Variants in SDC2 observed in about 807,000 individuals in gnomAD.
SDC2 encodes the protein syndecan 2.
Under a neutral mutation model 22.2 loss-of-function variants are expected in SDC2, and 13 were observed. The observed-to-expected ratio is 0.59, with a 90% CI of 0.38 to 0.93. The LOEUF (loss-of-function observed/expected upper bound fraction) is 0.93, where lower values mean the gene tolerates loss of function less well. Among genes scored for constraint, SDC2 ranks in the 40% least tolerant of loss-of-function variants. SDC2 has a pLI of 0.00. For missense variants in SDC2, 235 were observed against 246.8 expected (o/e 0.95, Z 0.32); for synonymous variants, 94 against 92.8 (o/e 1.01, Z -0.07).
At chr8:96,520,688 C>T (rs887728267) in intron 1 of SDC2, among the ~76,000 whole-genome samples, 4 of 152,098 alleles carry the variant, frequency 2.6e-5, no homozygotes, top group African/African-American at 7.2e-5. Context: ...TCCAAACAGC[C>T]GGAACAGGCC....
chr8:96,560,229 A>G (rs1814186242), intron 1 of SDC2, among the ~76,000 whole-genome samples: 1 of 152,142 alleles, frequency 6.6e-6, no homozygotes. Context: ...CTAAACTAGT[A>G]TTTTACAAAA....
chr8:96,609,496 A>T lies in SDC2; in HGVS notation c.554A>T (p.Lys185Ile). 1.2e-6 allele frequency: 2 copies of T among 1,612,988 alleles called. No homozygotes were observed. The highest frequency in any genetic ancestry group is 1.7e-6 in the Non-Finnish European group (2 of 1,179,442). ...DEGSYDLGERKPSSAAYQKAP... is the reference protein window; with the variant it reads ...DEGSYDLGERIPSSAAYQKAP... ...GGAAGCTATGACCTTGGAGAACGCA[A>T]ACCATCCAGTGCTGCTTATCAGAAG... is the stretch of plus-strand genomic sequence containing the variant. Residue 185 changes from lysine to isoleucine, a missense_variant, in exon 5 of 5, where the codon AAA becomes ATA. Coordinates refer to ENST00000302190, the MANE Select transcript of SDC2 (RefSeq NM_002998.4).
intron 1 of SDC2, among the ~76,000 whole-genome samples, chr8:96,515,474 G>A (rs1477932410): frequency 2.6e-5 from 4 of 152,124 alleles, no homozygotes; most frequent in Non-Finnish European, 5.9e-5. Context: ...GAAGGATGGA[G>A]GTTGCTCTTG....
At chr8:96,592,181 G>A (rs969122926) in intron 1 of SDC2, among the ~76,000 whole-genome samples, 3 of 152,166 alleles carry the variant, frequency 2.0e-5, no homozygotes, top group African/African-American at 4.8e-5. Flanking sequence ...TTTGCTTTCA[G>A]TTGGCACTGA....
At chr8:96,568,929 A>G (rs141827209) in intron 1 of SDC2, among the ~76,000 whole-genome samples, 359 of 152,332 alleles carry the variant, frequency 2.4e-3, no homozygotes, top group African/African-American at 8.4e-3. Context: ...GTGTCAGGGA[A>G]GGGAAATTAC....
At chr8:96,568,495 G>A (rs1814337069) in intron 1 of SDC2, among the ~76,000 whole-genome samples, 1 of 152,252 alleles carries the variant, frequency 6.6e-6, no homozygotes, top group African/African-American at 2.4e-5. Flanking sequence ...GGTAGTTGGA[G>A]CGATGTATGT....
rs533068238 is a variant in SDC2, at chr8:96,544,182, G to GA, written c.61-49289dup. Among the ~76,000 whole-genome samples the GA allele has an allele frequency of 6.9e-3, 1,041 of 150,818 alleles. 7 individuals are homozygous for GA. Among genetic ancestry groups the GA allele is most frequent in the Non-Finnish European group, 0.01 (704 of 67,666 alleles). ...GTTGTCCTACAGTATTCCTTGTTAGGAAAAAAAAATAACCTCGGTGCCTTT... is the reference window on the plus strand; with the variant it reads ...GTTGTCCTACAGTATTCCTTGTTAGGAAAAAAAAAATAACCTCGGTGCCTTT... On this transcript the variant is annotated intron_variant, in intron 1 of 4. Transcript: ENST00000302190.
chr8:96,554,846 T>A (rs900297710), intron 1 of SDC2, among the ~76,000 whole-genome samples: 1 of 152,196 alleles, frequency 6.6e-6, no homozygotes, highest in African/African-American at 2.4e-5. Context: ...ACCCTGTTGT[T>A]CCCTGACATC....
In SDC2 at chr8:96,611,426, AC is replaced by A. The variant is rs1357509133; in HGVS notation, c.*1879del. On this transcript the variant is annotated 3_prime_UTR_variant, in exon 5 of 5. Transcript: ENST00000302190. ...GGAATTGCCACATAATTCATTAAAA[AC>A]ATTTTTTTAAGCAACACTTGGAACA... 1 of 152,644 alleles carries A rather than the reference AC, an allele frequency of 6.6e-6. No individual in the cohort carries two copies. Among genetic ancestry groups the A allele is most frequent in the Non-Finnish European group, 1.5e-5 (1 of 68,030 alleles). The allele number at this position is 152,644 out of a possible 1,614,324, so 9.5% of individuals were successfully genotyped here.
At chr8:96,588,941 C>T (rs1759585109) in intron 1 of SDC2, among the ~76,000 whole-genome samples, 2 of 152,168 alleles carry the variant, frequency 1.3e-5, no homozygotes, top group South Asian at 4.1e-4. Flanking sequence ...GTTTTACCTA[C>T]ATGAGAAAAA....
At chr8:96,608,284 TC>T (rs772800903) in intron 3 of SDC2, 50 bp from the exon 4 acceptor site, 2 of 1,572,412 alleles carry the variant, frequency 1.3e-6, no homozygotes, top group Non-Finnish European at 1.7e-6. Context: ...ATTTCTTCTT[TC>T]CAACACATTT....
chr8:96,536,400 A>G (rs896465276), intron 1 of SDC2, among the ~76,000 whole-genome samples: 3 of 152,094 alleles, frequency 2.0e-5, no homozygotes, highest in Admixed American at 1.3e-4. Flanking sequence ...TGCTCACTGT[A>G]GCCTCAACCT....
intron 1 of SDC2, among the ~76,000 whole-genome samples, chr8:96,592,261 A>G (rs1300260162): frequency 6.6e-6 from 1 of 152,218 alleles, no homozygotes; most frequent in Non-Finnish European, 1.5e-5. Flanking sequence ...GAAACCTGAG[A>G]AAATAAAGTG....
intron 1 of SDC2, among the ~76,000 whole-genome samples, chr8:96,508,342 A>AATAATT (rs1563641920): frequency 8.1e-6 from 1 of 124,148 alleles, no homozygotes; most frequent in African/African-American, 3.1e-5. Flanking sequence ...TAATAATAAT[A>AATAATT]ATTAGCCGGG....
intron 1 of SDC2, among the ~76,000 whole-genome samples, chr8:96,532,412 G>GTATTTT (rs1554601020): frequency 3.3e-4 from 16 of 47,944 alleles, no homozygotes; most frequent in African/African-American, 1.6e-3. Context: ...TTATTGAGGC[G>GTATTTT]TTTTTTTTTT....
intron 1 of SDC2, among the ~76,000 whole-genome samples, chr8:96,572,502 G>A (rs1158410451): frequency 6.6e-6 from 1 of 152,114 alleles, no homozygotes; most frequent in African/African-American, 2.4e-5. Flanking sequence ...TCTCCAGGCT[G>A]GCCCAAGTTT....
At chr8:96,562,792 C>G (rs1814231804) in intron 1 of SDC2, among the ~76,000 whole-genome samples, 1 of 152,142 alleles carries the variant, frequency 6.6e-6, no homozygotes. Flanking sequence ...CATTTCTGTT[C>G]CATATCTTAA....
intron 1 of SDC2, among the ~76,000 whole-genome samples, chr8:96,556,316 AC>A (rs1320127184): frequency 1.4e-5 from 1 of 73,110 alleles, no homozygotes; most frequent in Non-Finnish European, 2.9e-5. Context: ...CCCCCGCCCC[AC>A]ACACTTTTAA....
chr8:96,521,159 C>T (rs374047033), intron 1 of SDC2, among the ~76,000 whole-genome samples: 2 of 152,150 alleles, frequency 1.3e-5, no homozygotes, highest in Non-Finnish European at 2.9e-5. Flanking sequence ...TTTTCACATT[C>T]GTATAAATAA....
Sources: allele counts gnomAD v4.1 joint callset (sites outside exome capture counted in the v4.1 genomes callset), GRCh38; gene constraint gnomAD v4.1.1; transcripts MANE v1.5; gene names NCBI Gene and HGNC (gene_info 2026-07-23, HGNC 2026-07-21).